The following FSIP1 variants were observed in gnomAD, a reference collection of about 807,000 sequenced individuals.
The protein encoded by FSIP1 is fibrous sheath-interacting protein 1.
FSIP1 carries 65 observed loss-of-function variants against 60.9 expected under a neutral mutation model. The observed-to-expected ratio is 1.07, with a 90% CI of 0.87 to 1.31. FSIP1 has a LOEUF of 1.31. Ranked by LOEUF, FSIP1 falls within the 40% of genes most tolerant of loss-of-function variation. FSIP1 has a pLI of 0.00. For missense variants in FSIP1, 675 were observed against 665.5 expected (o/e 1.01, Z -0.16); for synonymous variants, 209 against 221.2 (o/e 0.94, Z 0.49).
At chr15:39,776,364 G>A (rs772333917) in intron 2 of FSIP1, 35 bp downstream of exon 2, 4 of 1,598,566 alleles carry the variant, frequency 2.5e-6, no homozygotes, top group Middle Eastern at 1.7e-4. Flanking sequence ...AGAGGTTGGG[G>A]AAAGGAGTTT....
intron 9 of FSIP1, among the ~76,000 whole-genome samples, chr15:39,721,264 T>C (rs1895961633): frequency 6.6e-6 from 1 of 152,230 alleles, no homozygotes; most frequent in Non-Finnish European, 1.5e-5. Context: ...TACTACCTTA[T>C]AGTTACCATA....
At chr15:39,679,008 A>G (rs1413443499) in intron 10 of FSIP1, among the ~76,000 whole-genome samples, 1 of 152,244 alleles carries the variant, frequency 6.6e-6, no homozygotes, top group Non-Finnish European at 1.5e-5. Flanking sequence ...ATTGAAAAGA[A>G]TGGATCTTGT....
intron 11 of FSIP1, among the ~76,000 whole-genome samples, chr15:39,606,322 G>A (rs1401624413): frequency 6.6e-6 from 1 of 152,140 alleles, no homozygotes; most frequent in Non-Finnish European, 1.5e-5. Flanking sequence ...GACTCTTGTT[G>A]CATTTACTAT....
chr15:39,624,411 C>T (rs921492315), intron 10 of FSIP1, among the ~76,000 whole-genome samples: 1 of 152,094 alleles, frequency 6.6e-6, no homozygotes, highest in Non-Finnish European at 1.5e-5. Flanking sequence ...CAGAAAATAC[C>T]TACCTGTGCA....
intron 10 of FSIP1, among the ~76,000 whole-genome samples, chr15:39,696,396 A>C (rs533396985): frequency 1.3e-4 from 20 of 152,312 alleles, no homozygotes; most frequent in African/African-American, 4.6e-4. Context: ...AACATGTCCA[A>C]ATTTACTAGG....
chr15:39,728,694 T>TA (rs1896291994), intron 8 of FSIP1, among the ~76,000 whole-genome samples: 2 of 152,214 alleles, frequency 1.3e-5, no homozygotes, highest in African/African-American at 4.8e-5. Context: ...ATTGTGGACA[T>TA]AGTCCCTGTC....
intron 9 of FSIP1, among the ~76,000 whole-genome samples, chr15:39,724,724 TTCA>T (rs1201466767): frequency 6.6e-6 from 1 of 152,208 alleles, no homozygotes; most frequent in Non-Finnish European, 1.5e-5. Flanking sequence ...CAGACTTCAC[TTCA>T]TTTGACAGCC....
At chr15:39,647,230 C>A (rs1329304964) in intron 10 of FSIP1, among the ~76,000 whole-genome samples, 1 of 152,116 alleles carries the variant, frequency 6.6e-6, no homozygotes, top group Non-Finnish European at 1.5e-5. Context: ...ATTTGAGATT[C>A]TTGCAAAAAG....
intron 11 of FSIP1, among the ~76,000 whole-genome samples, chr15:39,609,694 C>G (rs960888185): frequency 6.6e-6 from 1 of 152,208 alleles, no homozygotes; most frequent in Non-Finnish European, 1.5e-5. Context: ...AGCACACAGA[C>G]CTGCCCAGCT....
In FSIP1 at chr15:39,634,299, C is replaced by T. The variant is rs1301406041; in HGVS notation, c.1189-16054G>A. Among the ~76,000 whole-genome samples, 4 of 152,320 alleles carry T rather than the reference C, an allele frequency of 2.6e-5. No individual in the cohort carries two copies. In the East Asian group the frequency reaches 7.7e-4, roughly 29 times the overall value. The stretch of plus-strand genomic sequence containing the variant: ...TCTTACTTTCTTTACAATAAAATTT[C>T]TTAAAATAATTGGTCTTACTATCAC... On this transcript the variant is annotated intron_variant, in intron 10 of 11. Transcript: ENST00000350221.
Position 39,757,528 on chromosome 15 carries a change from T to C in FSIP1, c.559+6293A>G, listed in dbSNP as rs73395289. Among the ~76,000 whole-genome samples, 1,240 of 152,216 alleles carry C rather than the reference T, an allele frequency of 8.1e-3. 16 individuals are homozygous for C. The highest frequency in any genetic ancestry group is 0.028 in the African/African-American group (1,169 of 41,534). On this transcript the variant is annotated intron_variant, in intron 5 of 11. Coordinates refer to ENST00000350221, the MANE Select transcript of FSIP1 (RefSeq NM_152597.5). ...ATAGTTATGTAGTCCAAAAAACAAA[T>C]TAATATAATTAGGTTAATAATGCAG... is the stretch of plus-strand genomic sequence containing the variant.
chr15:39,704,703 T>A (rs1292119196), intron 10 of FSIP1, among the ~76,000 whole-genome samples: 1 of 152,216 alleles, frequency 6.6e-6, no homozygotes, highest in Non-Finnish European at 1.5e-5. Context: ...ATCTATAGCA[T>A]GTGTAACAAT....
At chr15:39,724,539 A>G (rs1441538408) in intron 9 of FSIP1, among the ~76,000 whole-genome samples, 1 of 152,236 alleles carries the variant, frequency 6.6e-6, no homozygotes, top group East Asian at 1.9e-4. Flanking sequence ...GGCATAAGCC[A>G]CTGCGCCTGG....
chr15:39,663,305 C>T (rs372021008), intron 10 of FSIP1, among the ~76,000 whole-genome samples: 1 of 152,096 alleles, frequency 6.6e-6, no homozygotes, highest in East Asian at 1.9e-4. Flanking sequence ...TTTCTAAGTA[C>T]ACCACAAATA....
intron 1 of FSIP1, among the ~76,000 whole-genome samples, chr15:39,781,273 C>T (rs1898256807): frequency 6.6e-6 from 1 of 152,204 alleles, no homozygotes; most frequent in South Asian, 2.1e-4. Flanking sequence ...GATACCACTA[C>T]ACACCTATTC....
chr15:39,779,646 A>G (rs1415652586), intron 1 of FSIP1, among the ~76,000 whole-genome samples: 2 of 152,242 alleles, frequency 1.3e-5, no homozygotes, highest in African/African-American at 4.8e-5. Flanking sequence ...ACTTCAAAAT[A>G]GAATCATATT....
chr15:39,701,899 G>A (rs1048623502), intron 10 of FSIP1, among the ~76,000 whole-genome samples: 1 of 152,098 alleles, frequency 6.6e-6, no homozygotes, highest in Non-Finnish European at 1.5e-5. Flanking sequence ...TAAGGTCTAC[G>A]TTTAAATTAT....
chr15:39,698,492 C>G (rs1894916503), intron 10 of FSIP1, among the ~76,000 whole-genome samples: 1 of 152,140 alleles, frequency 6.6e-6, no homozygotes, highest in South Asian at 2.1e-4. Flanking sequence ...GCTCCCTCTA[C>G]CACACTCGGT....
chr15:39,762,050 G>T (rs1226788347), intron 5 of FSIP1, among the ~76,000 whole-genome samples: 1 of 152,184 alleles, frequency 6.6e-6, no homozygotes, highest in African/African-American at 2.4e-5. Flanking sequence ...TCTAGTCTTG[G>T]TTATTCTCTG....
Sources: gnomAD v4.1 joint callset for allele counts (sites outside exome capture counted in the v4.1 genomes callset) on GRCh38, gnomAD v4.1.1 for gene constraint, MANE v1.5 for transcripts, NCBI Gene and HGNC (gene_info 2026-07-23, HGNC 2026-07-21) for gene names.